Variants in CCDC60 observed in about 807,000 individuals in gnomAD.
CCDC60 encodes coiled-coil domain containing 60, also known as coiled-coil domain-containing protein 60.
In CCDC60, 54 loss-of-function variants were observed where a neutral mutation model predicts 63.5. The observed-to-expected ratio is 0.85, with a 90% CI of 0.68 to 1.07. The LOEUF (loss-of-function observed/expected upper bound fraction) is 1.07, where lower values mean the gene tolerates loss of function less well. Among genes scored for constraint, CCDC60 ranks in the 50% least tolerant of loss-of-function variants. The pLI is 0.00. For missense variants in CCDC60, 651 were observed against 684.3 expected (o/e 0.95, Z 0.54); for synonymous variants, 206 against 238.8 (o/e 0.86, Z 1.27).
intron 11 of CCDC60, 43 bp downstream of exon 11, chr12:119,523,861 G>T: frequency 6.2e-7 from 1 of 1,600,688 alleles, no homozygotes; most frequent in South Asian, 1.1e-5. Flanking sequence ...AGCATTCACT[G>T]GGTACCTACT....
chr12:119,339,612 C>T lies in CCDC60; in HGVS notation c.90+4346C>T, dbSNP rs138232915. Among the ~76,000 whole-genome samples the T allele has an allele frequency of 9.2e-5, 14 of 152,076 alleles. No homozygotes were observed. The East Asian group carries it at 2.7e-3, about 29-fold the overall frequency. On this transcript the variant is annotated intron_variant, in intron 1 of 13. Transcript: ENST00000327554. Reference sequence around the variant, plus strand: ...GACAAGCCTGGGCACTAAAGTGAGACCCCATCTCCACAAAAAGTAAAAACA... The same window carrying T: ...GACAAGCCTGGGCACTAAAGTGAGATCCCATCTCCACAAAAAGTAAAAACA...
At chr12:119,406,487 C>G (rs77973969) in intron 1 of CCDC60, among the ~76,000 whole-genome samples, 12,389 of 152,156 alleles carry the variant, frequency 0.081, 671 homozygotes, top group Non-Finnish European at 0.12. Flanking sequence ...AGAAGCCACT[C>G]TTTGTTTGGC....
At chr12:119,374,302 A>C (rs891924872) in intron 1 of CCDC60, among the ~76,000 whole-genome samples, 1 of 152,198 alleles carries the variant, frequency 6.6e-6, no homozygotes, top group East Asian at 1.9e-4. Context: ...TACACCACTC[A>C]TCCATGGCAG....
At chr12:119,379,276 G>A (rs111242572) in intron 1 of CCDC60, among the ~76,000 whole-genome samples, 116 of 152,324 alleles carry the variant, frequency 7.6e-4, no homozygotes, top group Middle Eastern at 3.4e-3. Flanking sequence ...CTTAAGTGAT[G>A]ATATATAGAA....
At chr12:119,436,235 C>T (rs1035792279) in intron 2 of CCDC60, among the ~76,000 whole-genome samples, 5 of 152,152 alleles carry the variant, frequency 3.3e-5, no homozygotes, top group Non-Finnish European at 7.3e-5. Flanking sequence ...TAATTCTGCA[C>T]TGGCCTTGGA....
intron 2 of CCDC60, among the ~76,000 whole-genome samples, chr12:119,444,955 A>G (rs1006961691): frequency 3.3e-5 from 5 of 152,030 alleles, no homozygotes; most frequent in African/African-American, 1.2e-4. Flanking sequence ...GTGCCCAGAT[A>G]TAGTACATAA....
chr12:119,412,068 C>T (rs566875571), intron 1 of CCDC60, among the ~76,000 whole-genome samples: 1 of 152,238 alleles, frequency 6.6e-6, no homozygotes, highest in South Asian at 2.1e-4. Flanking sequence ...CCTCACTGAG[C>T]CTCAAAAGGT....
intron 2 of CCDC60, among the ~76,000 whole-genome samples, chr12:119,441,300 A>G (rs183596761): frequency 6.6e-6 from 1 of 152,334 alleles, no homozygotes; most frequent in East Asian, 1.9e-4. Context: ...CCATTACACT[A>G]ATGGATGTAA....
At chr12:119,470,372 T>C (rs923313095) in intron 2 of CCDC60, among the ~76,000 whole-genome samples, 8 of 152,202 alleles carry the variant, frequency 5.3e-5, no homozygotes, top group African/African-American at 1.9e-4. Flanking sequence ...CCCAGTCCCC[T>C]GAACTGGTCC....
At chr12:119,504,625 T>G (rs560760518) in intron 6 of CCDC60, among the ~76,000 whole-genome samples, 1 of 152,310 alleles carries the variant, frequency 6.6e-6, no homozygotes, top group East Asian at 1.9e-4. Flanking sequence ...GACTAGGAAG[T>G]GTACACATGG....
intron 7 of CCDC60, among the ~76,000 whole-genome samples, chr12:119,513,588 A>G (rs1952271789): frequency 6.6e-6 from 1 of 152,152 alleles, no homozygotes; most frequent in Non-Finnish European, 1.5e-5. Context: ...GGTTCATCAT[A>G]CCCCAATATG....
intron 1 of CCDC60, among the ~76,000 whole-genome samples, chr12:119,347,790 A>G (rs1262989000): frequency 6.6e-6 from 1 of 152,186 alleles, no homozygotes; most frequent in African/African-American, 2.4e-5. Flanking sequence ...CCATGCAAAA[A>G]TAATAACAGT....
intron 1 of CCDC60, among the ~76,000 whole-genome samples, chr12:119,357,458 C>CT (rs138138187): frequency 0.083 from 12,151 of 146,350 alleles, 610 homozygotes; most frequent in Admixed American, 0.17. Context: ...ATGAGATCAG[C>CT]TTTTTTTTTT....
rs376406739 is a variant in CCDC60, at chr12:119,416,121, C to A, written c.91-12562C>A. On this transcript the variant is annotated intron_variant, in intron 1 of 13. Coordinates refer to ENST00000327554, the MANE Select transcript of CCDC60 (RefSeq NM_178499.5). ...TGTTGGCGAGGCGTAGTGGTTCACG[C>A]CTGTAATCCCAGCATTCTAGGAGGC... 5.3e-5 allele frequency among the ~76,000 whole-genome samples: 8 copies of A among 152,138 alleles called. No homozygotes were observed. The East Asian group carries it at 5.8e-4, about 11-fold the overall frequency.
At chr12:119,369,250 G>A (rs542079271) in intron 1 of CCDC60, among the ~76,000 whole-genome samples, 27 of 152,222 alleles carry the variant, frequency 1.8e-4, no homozygotes, top group South Asian at 4.2e-4. Context: ...AAAGACGCTC[G>A]CAATGTAGGT....
At chr12:119,524,247 G>A (rs1247947322) in intron 11 of CCDC60, 1 of 154,790 alleles carries the variant, frequency 6.5e-6, no homozygotes, top group African/African-American at 2.4e-5. Flanking sequence ...AATTTGAAGA[G>A]GATGGACAAG....
intron 1 of CCDC60, among the ~76,000 whole-genome samples, chr12:119,375,278 A>G (rs575419187): frequency 6.6e-6 from 1 of 152,324 alleles, no homozygotes; most frequent in East Asian, 1.9e-4. Context: ...AAAAACAAAC[A>G]AGCAAGCAAA....
At chr12:119,537,228 C>T (rs1005256642) in intron 13 of CCDC60, among the ~76,000 whole-genome samples, 6 of 152,178 alleles carry the variant, frequency 3.9e-5, no homozygotes, top group Non-Finnish European at 5.9e-5. Flanking sequence ...GAATTCTTCA[C>T]GTAGTTCTTG....
chr12:119,381,773 CTT>C (rs758780228), intron 1 of CCDC60, among the ~76,000 whole-genome samples: 10 of 152,162 alleles, frequency 6.6e-5, no homozygotes, highest in Non-Finnish European at 1.5e-4. Context: ...AGTCTGGACT[CTT>C]AGATCTGTGG....
Sources: allele counts gnomAD v4.1 joint callset (sites outside exome capture counted in the v4.1 genomes callset), GRCh38; gene constraint gnomAD v4.1.1; transcripts MANE v1.5; gene names NCBI Gene and HGNC (gene_info 2026-07-23, HGNC 2026-07-21).